Variants in LUZP2 observed in about 807,000 individuals in gnomAD.
The protein encoded by LUZP2 is leucine zipper protein 2.
LUZP2 carries 52 observed loss-of-function variants against 51.6 expected under a neutral mutation model. The observed-to-expected ratio is 1.01, with a 90% confidence interval of 0.81 to 1.27. LUZP2 has a LOEUF of 1.27. Ranked by LOEUF, LUZP2 falls within the 50% of genes most tolerant of loss-of-function variation. The probability of loss-of-function intolerance (pLI) is 0.00; values close to 1 mark genes in which losing one functional copy is unlikely to be tolerated. For missense variants in LUZP2, 436 were observed against 395.4 expected (o/e 1.10, Z -0.87); for synonymous variants, 154 against 137.3 (o/e 1.12, Z -0.85).
intron 9 of LUZP2, among the ~76,000 whole-genome samples, chr11:25,000,011 AT>A (rs1856632973): frequency 6.6e-6 from 1 of 152,104 alleles, no homozygotes; most frequent in South Asian, 2.1e-4. Context: ...CCCCGCCCAT[AT>A]CCTGCTGATT....
At chr11:24,898,945 CAAACA>C (rs1853180429) in intron 5 of LUZP2, among the ~76,000 whole-genome samples, 2 of 151,686 alleles carry the variant, frequency 1.3e-5, no homozygotes, top group South Asian at 2.1e-4. Flanking sequence ...AGAATACAAA[CAAACA>C]AAAGATTCTT....
chr11:24,676,268 A>G (rs1590333544), intron 1 of LUZP2, among the ~76,000 whole-genome samples: 1 of 152,228 alleles, frequency 6.6e-6, no homozygotes, highest in Non-Finnish European at 1.5e-5. Context: ...GGTAATTTTT[A>G]TAGGCTGAAA....
intron 1 of LUZP2, among the ~76,000 whole-genome samples, chr11:24,648,607 C>A (rs377283683): frequency 1.3e-5 from 2 of 151,870 alleles, no homozygotes; most frequent in African/African-American, 4.8e-5. Context: ...GAACCATAAG[C>A]CACTGCACAT....
At chr11:24,996,797 T>A (rs929525571) in intron 9 of LUZP2, among the ~76,000 whole-genome samples, 1 of 151,114 alleles carries the variant, frequency 6.6e-6, no homozygotes, top group Non-Finnish European at 1.5e-5. Flanking sequence ...GTCTCCAGAG[T>A]GTGATGTTCC....
intron 1 of LUZP2, among the ~76,000 whole-genome samples, chr11:24,524,517 T>C (rs1850733361): frequency 6.6e-6 from 1 of 151,762 alleles, no homozygotes; most frequent in Non-Finnish European, 1.5e-5. Context: ...GTTTAGGTAA[T>C]GACAAACCTT....
At chr11:24,796,408 G>T (rs1564903968) in intron 5 of LUZP2, among the ~76,000 whole-genome samples, 1 of 151,600 alleles carries the variant, frequency 6.6e-6, no homozygotes, top group Non-Finnish European at 1.5e-5. Flanking sequence ...CAAACAACTT[G>T]TAATTGCCTT....
At chr11:24,672,761 T>C (rs935706688) in intron 1 of LUZP2, among the ~76,000 whole-genome samples, 5 of 152,226 alleles carry the variant, frequency 3.3e-5, no homozygotes, top group African/African-American at 1.2e-4. Flanking sequence ...GTATATCCTA[T>C]GCCTCCTAGG....
At chr11:24,986,715 G>A (rs1409619749) in intron 9 of LUZP2, among the ~76,000 whole-genome samples, 1 of 151,548 alleles carries the variant, frequency 6.6e-6, no homozygotes, top group South Asian at 2.1e-4. Context: ...GTAATTAATA[G>A]CATTCTGAAA....
intron 1 of LUZP2, among the ~76,000 whole-genome samples, chr11:24,691,694 G>C (rs1857071238): frequency 6.6e-6 from 1 of 152,024 alleles, no homozygotes; most frequent in African/African-American, 2.4e-5. Flanking sequence ...GTATTAGAAA[G>C]ATGGACTGGT....
chr11:24,962,264 T>C (rs1414761679), intron 7 of LUZP2, among the ~76,000 whole-genome samples: 1 of 151,780 alleles, frequency 6.6e-6, no homozygotes, highest in Non-Finnish European at 1.5e-5. Context: ...GAGCAACTCC[T>C]ACTTCTTTGT....
At chr11:24,573,185 G>A (rs184215026) in intron 1 of LUZP2, among the ~76,000 whole-genome samples, 12 of 152,064 alleles carry the variant, frequency 7.9e-5, no homozygotes, top group Admixed American at 1.3e-4. Context: ...AGGAATAAAA[G>A]AGCATTCAAA....
In LUZP2 at chr11:24,497,077, C is replaced by G; in HGVS notation, c.-167C>G. ...CACTCCTGAAGATACTCCTCGCTCCCAGCGCCTGCCTTCCCCAGGCGTCCG... is the reference window on the plus strand; with the variant it reads ...CACTCCTGAAGATACTCCTCGCTCCGAGCGCCTGCCTTCCCCAGGCGTCCG... On this transcript the variant is annotated 5_prime_UTR_variant, in exon 1 of 12. Coordinates refer to ENST00000336930, the MANE Select transcript of LUZP2 (RefSeq NM_001009909.4). 1 of 493,806 alleles carries G rather than the reference C, an allele frequency of 2.0e-6. No homozygotes were observed. The highest frequency in any genetic ancestry group is 3.5e-6 in the Non-Finnish European group (1 of 288,614). 30.6% of individuals were successfully genotyped at this position (493,806 alleles called of 1,614,324 possible).
intron 9 of LUZP2, among the ~76,000 whole-genome samples, chr11:25,030,482 T>C (rs923712211): frequency 2.6e-5 from 4 of 152,060 alleles, no homozygotes; most frequent in African/African-American, 9.7e-5. Context: ...TCTATCAACA[T>C]TAAAGAATAT....
chr11:24,517,639 A>G (rs1850519011), intron 1 of LUZP2, among the ~76,000 whole-genome samples: 1 of 151,956 alleles, frequency 6.6e-6, no homozygotes, highest in African/African-American at 2.4e-5. Context: ...CAGTCACGTC[A>G]CTGATTATTG....
intron 1 of LUZP2, among the ~76,000 whole-genome samples, chr11:24,587,285 A>T (rs1853100035): frequency 1.3e-5 from 2 of 149,176 alleles, no homozygotes; most frequent in Non-Finnish European, 1.5e-5. Flanking sequence ...AGTGGGAGGT[A>T]TTAATTTGGG....
At chr11:24,676,855 C>T (rs777362515) in intron 1 of LUZP2, among the ~76,000 whole-genome samples, 7 of 151,822 alleles carry the variant, frequency 4.6e-5, no homozygotes, top group East Asian at 1.9e-4. Flanking sequence ...TTAGTAGAGA[C>T]GGGGTTTCTC....
intron 5 of LUZP2, among the ~76,000 whole-genome samples, chr11:24,796,393 A>ACGTT (rs1849544813): frequency 6.6e-6 from 1 of 152,104 alleles, no homozygotes; most frequent in Non-Finnish European, 1.5e-5. Flanking sequence ...CGTTATTATT[A>ACGTT]ACCACAAACA....
At chr11:24,817,300 G>A (rs1238179800) in intron 5 of LUZP2, among the ~76,000 whole-genome samples, 1 of 152,012 alleles carries the variant, frequency 6.6e-6, no homozygotes, top group Non-Finnish European at 1.5e-5. Flanking sequence ...TTCGGACCCG[G>A]TGCTAGAGAG....
chr11:24,565,793 A>G (rs1852195496), intron 1 of LUZP2, among the ~76,000 whole-genome samples: 2 of 152,266 alleles, frequency 1.3e-5, no homozygotes, highest in South Asian at 4.1e-4. Context: ...AAAAAAGTAA[A>G]CAGTTTGTCT....
Sources: allele counts gnomAD v4.1 joint callset (sites outside exome capture counted in the v4.1 genomes callset), GRCh38; gene constraint gnomAD v4.1.1; transcripts MANE v1.5; gene names NCBI Gene and HGNC (gene_info 2026-07-23, HGNC 2026-07-21).